The following CCDC102B variants were observed in gnomAD, a reference collection of about 807,000 sequenced individuals.
CCDC102B encodes coiled-coil domain containing 102B, also known as coiled-coil domain-containing protein 102B.
CCDC102B carries 75 observed loss-of-function variants against 57.4 expected under a neutral mutation model. The observed-to-expected ratio is 1.31, with a 90% CI of 1.08 to 1.58. The LOEUF is 1.58. CCDC102B is among the 40% of genes most tolerant of loss of function. The pLI is 0.00. For missense variants in CCDC102B, 636 were observed against 582.6 expected, an observed-to-expected ratio of 1.09 and a Z score of -0.94; for synonymous variants, 206 against 201.9, an observed-to-expected ratio of 1.02 and a Z score of -0.17.
In CCDC102B at chr18:68,838,844, C is replaced by T. The variant is rs754882534; in HGVS notation, c.745C>T (p.Pro249Ser). The T allele has an allele frequency of 3.5e-5, 57 of 1,613,776 alleles. No individual in the cohort carries two copies. In the South Asian group the frequency reaches 4.7e-4, roughly 13 times the overall value. ...TGLRLKAINL[P>S]LENEVTEISA... The stretch of plus-strand genomic sequence containing the variant: ...GCTGAGACTGAAAGCAATAAATCTG[C>T]CTTTGGAAAATGAAGTAACTGAAAT... Residue 249 changes from proline (P) to serine (S), a missense_variant, in exon 3 of 8, where the codon CCT (proline) becomes TCT (serine). Coordinates refer to ENST00000360242, the MANE Select transcript of CCDC102B (RefSeq NM_024781.3).
chr18:68,820,875 T>C (rs2036665590), intron 1 of CCDC102B, among the ~76,000 whole-genome samples: 1 of 152,144 alleles, frequency 6.6e-6, no homozygotes, highest in South Asian at 2.1e-4. Context: ...GACCAAACTG[T>C]ACTAAAAATT....
rs570898827 is a variant in CCDC102B at position 68,715,243 on chromosome 18, C to T, written c.-252C>T. 1.1e-4 allele frequency: 146 copies of T among 1,342,720 alleles called. 1 individual carries two copies. The highest frequency in any genetic ancestry group is 8.8e-4 in the Admixed American group (24 of 27,342). The allele number at this position is 1,342,720 out of a possible 1,614,324, so 83.2% of individuals were successfully genotyped here. A position where few individuals can be genotyped will look rare whatever the true frequency, so the allele number is the denominator to read the frequency against. On this transcript the variant is annotated 5_prime_UTR_variant, in exon 1 of 4. Transcript: ENST00000578970. ...GAATCCTTTGCGCTCTCGGTGCCCC[C>T]CTCCACGCCCAGGAGCGTGGGAACC...
chr18:68,948,335 C>T (rs1368241724), intron 6 of CCDC102B, among the ~76,000 whole-genome samples: 2 of 151,988 alleles, frequency 1.3e-5, no homozygotes, highest in Non-Finnish European at 2.9e-5. Flanking sequence ...AAATTCATAA[C>T]TTTTAAGACT....
chr18:68,715,449 A>T (rs2031889382), intron 1 of CCDC102B: 3 of 169,448 alleles, frequency 1.8e-5, no homozygotes, highest in Admixed American at 1.3e-4. Context: ...GTGGGTTTTG[A>T]TGCTGGATCA....
chr18:68,940,355 A>G (rs1357621512), intron 6 of CCDC102B, among the ~76,000 whole-genome samples: 4 of 151,820 alleles, frequency 2.6e-5, no homozygotes, highest in Non-Finnish European at 4.4e-5. Context: ...AAGCAGAAAC[A>G]TGCTTATTTT....
chr18:68,885,876 T>C (rs1399465402), intron 5 of CCDC102B, among the ~76,000 whole-genome samples: 3 of 152,062 alleles, frequency 2.0e-5, no homozygotes, highest in Non-Finnish European at 2.9e-5. Context: ...ACTCATATTA[T>C]GTTCTGAGTT....
intron 6 of CCDC102B, among the ~76,000 whole-genome samples, chr18:68,961,004 A>G (rs1327910336): frequency 6.6e-6 from 1 of 152,212 alleles, no homozygotes; most frequent in Non-Finnish European, 1.5e-5. Context: ...TTTAGTAAAT[A>G]TATAAATTCC....
intron 2 of CCDC102B, among the ~76,000 whole-genome samples, chr18:68,775,746 T>C (rs1288985030): frequency 6.7e-6 from 1 of 148,172 alleles, no homozygotes; most frequent in Non-Finnish European, 1.5e-5. Context: ...CTCTCCCTCC[T>C]GGGTTCAAGT....
intron 2 of CCDC102B, among the ~76,000 whole-genome samples, chr18:68,763,571 G>A (rs1422324186): frequency 2.0e-5 from 3 of 152,044 alleles, no homozygotes; most frequent in Admixed American, 2.0e-4. Context: ...ATATGCCAAT[G>A]CAGAGGATTT....
intron 6 of CCDC102B, among the ~76,000 whole-genome samples, chr18:68,935,791 A>G (rs1028647755): frequency 1.3e-5 from 2 of 151,852 alleles, no homozygotes; most frequent in Non-Finnish European, 2.9e-5. Context: ...TAAGATGTGC[A>G]AGTGCAGCAT....
At chr18:68,880,120 G>A (rs2039626865) in intron 5 of CCDC102B, among the ~76,000 whole-genome samples, 1 of 152,210 alleles carries the variant, frequency 6.6e-6, no homozygotes. Flanking sequence ...ATGGCGGGCT[G>A]CAGGTCCCGA....
At chr18:68,803,748 ACAT>A (rs2035935804) in intron 1 of CCDC102B, among the ~76,000 whole-genome samples, 1 of 150,588 alleles carries the variant, frequency 6.6e-6, no homozygotes, top group African/African-American at 2.5e-5. Flanking sequence ...AATCACAATT[ACAT>A]GGTCACCAAC....
intron 6 of CCDC102B, among the ~76,000 whole-genome samples, chr18:68,907,501 C>G (rs12965053): frequency 0.26 from 39,569 of 151,996 alleles, 6,212 homozygotes; most frequent in Non-Finnish European, 0.36. Flanking sequence ...GCTGATAAGT[C>G]TTTAACCTCC....
intron 2 of CCDC102B, among the ~76,000 whole-genome samples, chr18:68,782,505 C>T (rs1279641304): frequency 6.6e-6 from 1 of 152,126 alleles, no homozygotes; most frequent in Non-Finnish European, 1.5e-5. Flanking sequence ...GCTAATTGCA[C>T]TGCATATTTC....
chr18:68,813,632 G>T (rs1400094467), intron 1 of CCDC102B, among the ~76,000 whole-genome samples: 2 of 151,958 alleles, frequency 1.3e-5, no homozygotes, highest in Non-Finnish European at 2.9e-5. Flanking sequence ...AAAGGAGGCC[G>T]GGAGAGTGGA....
intron 6 of CCDC102B, among the ~76,000 whole-genome samples, chr18:68,960,575 A>G (rs1281388976): frequency 6.6e-6 from 1 of 152,186 alleles, no homozygotes; most frequent in Non-Finnish European, 1.5e-5. Context: ...GCACAGCACC[A>G]GAACTTGCCC....
At chr18:68,761,758 C>A (rs1268472077) in intron 2 of CCDC102B, among the ~76,000 whole-genome samples, 1 of 152,024 alleles carries the variant, frequency 6.6e-6, no homozygotes, top group Non-Finnish European at 1.5e-5. Context: ...GGTTTAGTTT[C>A]TATCATGGTT....
At chr18:68,793,154 A>G (rs911387835), upstream of CCDC102B, among the ~76,000 whole-genome samples, 2 of 152,304 alleles carry the variant, frequency 1.3e-5, no homozygotes, top group African/African-American at 4.8e-5. Context: ...GTAATCTATG[A>G]TTTCAAATCA....
chr18:68,819,042 A>G (rs2036596771), intron 1 of CCDC102B, among the ~76,000 whole-genome samples: 1 of 152,116 alleles, frequency 6.6e-6, no homozygotes, highest in African/African-American at 2.4e-5. Context: ...TGCATTCTTC[A>G]CGCTATTATT....
Sources: gnomAD v4.1 joint callset for allele counts (sites outside exome capture counted in the v4.1 genomes callset) on GRCh38, gnomAD v4.1.1 for gene constraint, MANE v1.5 for transcripts, NCBI Gene and HGNC (gene_info 2026-07-23, HGNC 2026-07-21) for gene names.